The following NBPF9 variants were observed in gnomAD, a reference collection of about 807,000 sequenced individuals.
The protein encoded by NBPF9 is NBPF family member NBPF9.
NBPF9 carries 91 observed loss-of-function variants against 97.8 expected under a neutral mutation model. The ratio of observed to expected loss-of-function variants is 0.93; its 90% CI spans 0.79 to 1.11. The LOEUF (loss-of-function observed/expected upper bound fraction) is 1.11, where lower values mean the gene tolerates loss of function less well. Ranked by LOEUF, NBPF9 falls within the 50% of genes least tolerant of loss-of-function variation. The probability of loss-of-function intolerance (pLI) is 0.00; values close to 1 mark genes in which losing one functional copy is unlikely to be tolerated. For synonymous variants in NBPF9, 334 were observed against 359.5 expected (o/e 0.93, Z 0.80); for missense variants, 992 against 939.5 (o/e 1.06, Z -0.73).
chr1:149,075,148 A>T lies in NBPF9; in HGVS notation c.988+507T>A, dbSNP rs371335593. ...CTTGATGCTGTCATTTATAGACAGCACAGGTTCTATTAGGAGTAGACTCCT... is the reference window on the plus strand; with the variant it reads ...CTTGATGCTGTCATTTATAGACAGCTCAGGTTCTATTAGGAGTAGACTCCT... On this transcript the variant is annotated intron_variant, in intron 12 of 29. Coordinates refer to ENST00000584027, the Ensembl canonical transcript of NBPF9. Among the ~76,000 whole-genome samples the T allele has an allele frequency of 3.4e-4, 51 of 151,770 alleles. 1 individual carries two copies. In the South Asian group the frequency reaches 0.01, roughly 30 times the overall value.
At position 149,072,971 on chromosome 1, in the gene NBPF9, G is replaced by T. The variant is rs781802169; in HGVS notation, c.1092-39C>A. ...GTAGAGAAAAATTAAGAGTGGAAAG[G>T]GTTGAGTGATCCGCTCAAATATTGC... On this transcript the variant is annotated intron_variant, in intron 13 of 29. Coordinates refer to ENST00000584027, the Ensembl canonical transcript of NBPF9. 5 of 1,594,222 alleles carry T rather than the reference G, an allele frequency of 3.1e-6. No homozygotes were observed. The Admixed American group carries it at 5.0e-5, about 16-fold the overall frequency.
chr1:149,056,160 C>T (rs1553648932), intron 29 of NBPF9, among the ~76,000 whole-genome samples: 2 of 151,588 alleles, frequency 1.3e-5, no homozygotes, highest in African/African-American at 4.9e-5. Flanking sequence ...AGGTGACATA[C>T]TGGTAAGGGA....
At position 149,097,623 on chromosome 1, in the gene NBPF9, A is replaced by G. The variant is rs2081872169; in HGVS notation, c.-337+815T>C. ...CTCCCACTCCCCCAGGACCTGGTGG[A>G]CGGCCACGTGAGAAGGATACAAACA... On this transcript the variant is annotated intron_variant, in intron 4 of 29. Coordinates refer to ENST00000584027, the Ensembl canonical transcript of NBPF9. Among the ~76,000 whole-genome samples the G allele has an allele frequency of 2.0e-5, 3 of 152,216 alleles. No individual in the cohort carries two copies. The East Asian group carries it at 5.8e-4, about 29-fold the overall frequency.
At chr1:149,082,957 C>CTTTTTTTTTT (rs1157992196) in intron 5 of NBPF9, among the ~76,000 whole-genome samples, 1,007 of 66,372 alleles carry the variant, frequency 0.015, 5 homozygotes, top group Non-Finnish European at 0.018. Context: ...TTTTTCTTTT[C>CTTTTTTTTTT]TTTTTTTTTT....
chr1:149,097,486 CCTG>C (rs1553662075), intron 4 of NBPF9, among the ~76,000 whole-genome samples: 2 of 152,332 alleles, frequency 1.3e-5, no homozygotes, highest in Non-Finnish European at 1.5e-5. Context: ...CGCAACCTTC[CCTG>C]CTGCTCCTTG....
At chr1:149,064,992 C>A in intron 18 of NBPF9, 1 of 541,668 alleles carries the variant, frequency 1.8e-6, no homozygotes, top group East Asian at 3.6e-5. Flanking sequence ...AGAAAACATA[C>A]CAGGAACATG....
intron 5 of NBPF9, among the ~76,000 whole-genome samples, chr1:149,085,212 CT>C (rs781973948): frequency 1.3e-5 from 2 of 151,596 alleles, no homozygotes; most frequent in African/African-American, 2.4e-5. Context: ...GGCTGGAAAA[CT>C]TTTTTTTGAT....
chr1:149,074,835 C>A (rs1365101842), intron 12 of NBPF9, among the ~76,000 whole-genome samples: 1 of 150,522 alleles, frequency 6.6e-6, no homozygotes, highest in Admixed American at 6.6e-5. Flanking sequence ...ATTATTTTTA[C>A]CAGTCTTGCC....
At position 149,077,508 on chromosome 1, in the gene NBPF9, A is replaced by T. The variant is rs1340165422; in HGVS notation, c.567-89T>A. On this transcript the variant is annotated intron_variant, in intron 10 of 29. Transcript: ENST00000584027. ...GTACTAGCTGGTTTTGACAGGCGGC[A>T]TTAAGAGAGTGGTTCCAGAAAGCAA... 6 of 1,572,272 alleles carry T rather than the reference A, an allele frequency of 3.8e-6. 1 individual carries two copies. Among genetic ancestry groups the T allele is most frequent in the Non-Finnish European group, 5.2e-6 (6 of 1,143,672 alleles).
At chr1:149,090,196 C>G (rs1447688397) in intron 5 of NBPF9, 2 of 151,146 alleles carry the variant, frequency 1.3e-5, no homozygotes, top group Admixed American at 1.3e-4. Context: ...GGAGGAGGTA[C>G]TGAATTACCT....
intron 27 of NBPF9, among the ~76,000 whole-genome samples, 198 bp from the exon 28 acceptor site, chr1:149,057,705 A>G (rs2078299438): frequency 1.9e-4 from 3 of 15,470 alleles, no homozygotes; most frequent in African/African-American, 3.3e-4. Context: ...AGACAGATAG[A>G]CACACACACA....
intron 18 of NBPF9, chr1:149,065,273 G>A: frequency 1.4e-6 from 1 of 708,142 alleles, no homozygotes; most frequent in Non-Finnish European, 2.6e-6. Context: ...CCTGCCTTGA[G>A]TTCAATGTCG....
chr1:149,061,433 C>T (rs2078589385), intron 22 of NBPF9, 50 bp from the exon 23 acceptor site: 1 of 389,646 alleles, frequency 2.6e-6, no homozygotes, highest in Admixed American at 4.6e-5. Context: ...TTCACCTACA[C>T]CCATAACAGT....
Position 149,059,958 on chromosome 1 carries a change from G to C in NBPF9, c.2477-150C>G, listed in dbSNP as rs1307261565. 2.1e-5 allele frequency: 9 copies of C among 420,808 alleles called. 3 individuals carry two copies. The highest frequency in any genetic ancestry group is 3.0e-5 in the Non-Finnish European group (7 of 232,520). 26.1% of individuals were successfully genotyped at this position (420,808 alleles called of 1,614,324 possible). ...ATATATTTCAGGAGGCCTGAAGGCTGGTTATGATAGAAATTCCTCAGTTTT... is the reference window on the plus strand; with the variant it reads ...ATATATTTCAGGAGGCCTGAAGGCTCGTTATGATAGAAATTCCTCAGTTTT... On this transcript the variant is annotated intron_variant, in intron 24 of 29. Transcript: ENST00000584027.
At chr1:149,052,253 T>C (rs587767254), downstream of NBPF9, among the ~76,000 whole-genome samples, 296 of 152,148 alleles carry the variant, frequency 1.9e-3, no homozygotes, top group Admixed American at 4.3e-3. Context: ...AATTCGACTT[T>C]ATGAAAATTA....
chr1:149,069,716 A>G lies in NBPF9; in HGVS notation c.1586-71T>C, dbSNP rs377502746. The G allele has an allele frequency of 3.3e-6, 3 of 905,104 alleles. No individual in the cohort carries two copies. In the South Asian group the frequency reaches 3.9e-5, roughly 12 times the overall value. The allele number at this position is 905,104 out of a possible 1,614,324, so 56.1% of individuals were successfully genotyped here. A position where few individuals can be genotyped will look rare whatever the true frequency, so the allele number is the denominator to read the frequency against. ...TTCACATATGAACAAATCACTGTCC[A>G]GTCATAGCCAAGGACATAACTATTC... On this transcript the variant is annotated intron_variant, in intron 16 of 29. Coordinates refer to ENST00000584027, the Ensembl canonical transcript of NBPF9.
At chr1:149,070,888 C>T (rs74636825) in intron 16 of NBPF9, 46 bp downstream of exon 16, 228,267 of 1,492,032 alleles carry the variant, frequency 0.15, 18,571 homozygotes, top group Admixed American at 0.24. Flanking sequence ...AGTTTATCTT[C>T]CTCAGCCTAG....
intron 13 of NBPF9, 64 bp from the exon 14 acceptor site, chr1:149,072,996 C>T (rs1281307848): frequency 2.6e-6 from 4 of 1,556,760 alleles, no homozygotes; most frequent in East Asian, 2.2e-5. Context: ...TCAAATATTG[C>T]AACAGAGATT....
chr1:149,077,511 A>C, intron 10 of NBPF9, 92 bp from the exon 11 acceptor site: 1 of 1,565,826 alleles, frequency 6.4e-7, no homozygotes, highest in Non-Finnish European at 8.8e-7. Context: ...AGGCGGCATT[A>C]AGAGAGTGGT....
Sources: allele counts gnomAD v4.1 joint callset (sites outside exome capture counted in the v4.1 genomes callset), GRCh38; gene constraint gnomAD v4.1.1; transcripts MANE v1.5; gene names NCBI Gene and HGNC (gene_info 2026-07-23, HGNC 2026-07-21).